Variants in PTPRD observed in about 807,000 individuals in gnomAD.
The protein encoded by PTPRD is protein tyrosine phosphatase receptor type D.
Under a neutral mutation model 214.5 loss-of-function variants are expected in PTPRD, and 34 were observed. That is an observed-to-expected ratio of 0.16 (90% CI 0.12 to 0.21). The LOEUF is 0.21. PTPRD is among the 10% of genes least tolerant of loss of function. The pLI, the probability that PTPRD is intolerant of heterozygous loss-of-function variation, is 1.00. For missense variants in PTPRD, 2,545 were observed against 2,398.7 expected (o/e 1.06, Z -1.27); for synonymous variants, 1,128 against 845.7 (o/e 1.33, Z -5.79).
chr9:9,626,144 G>A (rs1158839724), intron 7 of PTPRD, among the ~76,000 whole-genome samples: 2 of 152,184 alleles, frequency 1.3e-5, no homozygotes, highest in Non-Finnish European at 2.9e-5. Flanking sequence ...TTCAAAATGA[G>A]AAAATATCCA....
At chr9:8,566,619 T>C in intron 14 of PTPRD, among the ~76,000 whole-genome samples, 1 of 152,180 alleles carries the variant, frequency 6.6e-6, no homozygotes, top group East Asian at 1.9e-4. Flanking sequence ...CTGAAGCTTC[T>C]TGAGGGCAGG....
At chr9:8,885,944 CT>C (rs1297311584) in intron 11 of PTPRD, among the ~76,000 whole-genome samples, 1 of 152,180 alleles carries the variant, frequency 6.6e-6, no homozygotes, top group Non-Finnish European at 1.5e-5. Flanking sequence ...TTCTTAACAA[CT>C]TGCATCCATA....
chr9:9,173,444 G>A (rs1449890436), intron 10 of PTPRD, among the ~76,000 whole-genome samples: 1 of 152,076 alleles, frequency 6.6e-6, no homozygotes, highest in East Asian at 1.9e-4. Context: ...TAAATGTGTT[G>A]TTAGCTGATT....
At chr9:8,426,109 G>A (rs1353934728) in intron 35 of PTPRD, among the ~76,000 whole-genome samples, 1 of 152,096 alleles carries the variant, frequency 6.6e-6, no homozygotes. Flanking sequence ...TGACAGATAG[G>A]TCATGCATAT....
At chr9:8,768,506 T>A (rs547379648) in intron 11 of PTPRD, among the ~76,000 whole-genome samples, 1 of 152,086 alleles carries the variant, frequency 6.6e-6, no homozygotes, top group Non-Finnish European at 1.5e-5. Context: ...TGAGCACAGA[T>A]TGAACCACTG....
At chr9:8,929,885 G>GTGTATATA (rs2098938076) in intron 11 of PTPRD, among the ~76,000 whole-genome samples, 6 of 57,340 alleles carry the variant, frequency 1.0e-4, no homozygotes, top group African/African-American at 4.0e-4. Flanking sequence ...GTATATATGT[G>GTGTATATA]TGTGTATATA....
chr9:9,631,714 G>A (rs1382657029), intron 7 of PTPRD, among the ~76,000 whole-genome samples: 2 of 152,102 alleles, frequency 1.3e-5, no homozygotes, highest in Non-Finnish European at 2.9e-5. Flanking sequence ...CAGTGTTGAT[G>A]ATATTGGACA....
intron 9 of PTPRD, among the ~76,000 whole-genome samples, chr9:9,252,906 C>A (rs745523848): frequency 2.0e-5 from 3 of 152,072 alleles, no homozygotes; most frequent in Non-Finnish European, 4.4e-5. Context: ...CTCTCCTACA[C>A]TTTCTTTTTA....
intron 11 of PTPRD, among the ~76,000 whole-genome samples, chr9:8,919,383 C>G (rs944324105): frequency 9.5e-6 from 1 of 104,758 alleles, no homozygotes; most frequent in African/African-American, 3.6e-5. Flanking sequence ...CAGAGTGAGA[C>G]CCTGTCTCAA....
intron 12 of PTPRD, among the ~76,000 whole-genome samples, chr9:8,719,862 GA>G (rs374144247): frequency 0.032 from 4,367 of 138,358 alleles, 195 homozygotes; most frequent in African/African-American, 0.1. Context: ...AAAAGAAAAA[GA>G]AAAAAAAAAA....
chr9:9,984,942 C>T (rs1190898901), intron 4 of PTPRD, among the ~76,000 whole-genome samples: 1 of 152,104 alleles, frequency 6.6e-6, no homozygotes, highest in Non-Finnish European at 1.5e-5. Flanking sequence ...ATGTGCCCTA[C>T]AGCTGGATAC....
intron 12 of PTPRD, among the ~76,000 whole-genome samples, chr9:8,694,912 A>G (rs994324866): frequency 6.6e-6 from 1 of 152,196 alleles, no homozygotes; most frequent in Admixed American, 6.5e-5. Flanking sequence ...ACTTGACCCA[A>G]CAAACATATC....
intron 14 of PTPRD, among the ~76,000 whole-genome samples, chr9:8,555,640 T>C (rs1238591771): frequency 6.6e-6 from 1 of 152,198 alleles, no homozygotes; most frequent in African/African-American, 2.4e-5. Context: ...TTTGGACATC[T>C]CTCCAAAATG....
intron 7 of PTPRD, among the ~76,000 whole-genome samples, chr9:9,676,538 T>A (rs532913345): frequency 6.6e-6 from 1 of 152,116 alleles, no homozygotes; most frequent in Admixed American, 6.6e-5. Flanking sequence ...GATGGACATT[T>A]GGCTTGGTTC....
chr9:8,614,010 G>A (rs996513078), intron 14 of PTPRD, among the ~76,000 whole-genome samples: 13 of 151,746 alleles, frequency 8.6e-5, no homozygotes, highest in African/African-American at 2.9e-4. Context: ...AAGTCTGGGA[G>A]GCTATTAGTG....
rs550890118 is a variant in PTPRD, at chr9:10,610,468, C to T, written c.-600+1930G>A. Among the ~76,000 whole-genome samples, 262 of 151,972 alleles carry T rather than the reference C, an allele frequency of 1.7e-3. 8 individuals carry two copies. In the South Asian group the frequency reaches 0.052, roughly 30 times the overall value. ...TGTTTGAACCACTGTTAAATTTGCC[C>T]TACTTAGGTACAATCTTCCCCTTTA... On this transcript the variant is annotated intron_variant, in intron 2 of 45. Transcript: ENST00000381196.
At chr9:9,022,500 G>C (rs2099573273) in intron 10 of PTPRD, among the ~76,000 whole-genome samples, 1 of 152,126 alleles carries the variant, frequency 6.6e-6, no homozygotes. Context: ...ATTCAGCACA[G>C]TAACATTCTG....
At chr9:10,359,775 T>G (rs954018601) in intron 2 of PTPRD, among the ~76,000 whole-genome samples, 2 of 152,212 alleles carry the variant, frequency 1.3e-5, no homozygotes, top group Admixed American at 6.5e-5. Flanking sequence ...AATTTTAGTG[T>G]ACACTAGGGG....
At chr9:8,453,386 G>A (rs937268671) in intron 33 of PTPRD, among the ~76,000 whole-genome samples, 1 of 151,924 alleles carries the variant, frequency 6.6e-6, no homozygotes, top group African/African-American at 2.4e-5. Flanking sequence ...GGATGGTCTC[G>A]ATCTCCTGAC....
Sources: allele counts gnomAD v4.1 joint callset (sites outside exome capture counted in the v4.1 genomes callset), GRCh38; gene constraint gnomAD v4.1.1; transcripts MANE v1.5; gene names NCBI Gene and HGNC (gene_info 2026-07-23, HGNC 2026-07-21).